Variants in AMMECR1 observed in about 807,000 individuals in gnomAD.
The protein encoded by AMMECR1 is nuclear protein AMMECR1.
Under a neutral mutation model 22.5 loss-of-function variants are expected in AMMECR1, and 3 were observed. The observed-to-expected ratio is 0.13, with a 90% CI of 0.06 to 0.35. The LOEUF (loss-of-function observed/expected upper bound fraction) is 0.35. Among genes scored for constraint, AMMECR1 ranks in the 10% least tolerant of loss-of-function variants. AMMECR1 has a pLI of 1.00. For missense variants in AMMECR1, 235 were observed against 278.7 expected, an observed-to-expected ratio of 0.84 and a Z score of 1.12; for synonymous variants, 130 against 116.7, an observed-to-expected ratio of 1.11 and a Z score of -0.74.
intron 1 of AMMECR1, among the ~76,000 whole-genome samples, chrX:110,297,707 T>C (rs939811091): frequency 8.9e-6 from 1 of 111,890 alleles, no homozygotes; most frequent in Admixed American, 9.5e-5. Context: ...ATTGCTTTTA[T>C]AGGGGAGTAG....
chrX:110,282,772 G>A (rs2067859099), intron 1 of AMMECR1, among the ~76,000 whole-genome samples: 1 of 111,594 alleles, frequency 9.0e-6, no homozygotes. Context: ...AAGTGTTTCA[G>A]GGCTTTAAGA....
At chrX:110,433,975 C>G (rs1009277666) in intron 1 of AMMECR1, among the ~76,000 whole-genome samples, 1 of 111,333 alleles carries the variant, frequency 9.0e-6, no homozygotes, top group African/African-American at 3.3e-5. Context: ...CCGAGGCACA[C>G]ATAAGCCCTC....
At chrX:110,288,329 A>G (rs1193753213) in intron 1 of AMMECR1, among the ~76,000 whole-genome samples, 10 of 111,851 alleles carry the variant, frequency 8.9e-5, no homozygotes, top group Non-Finnish European at 1.3e-4. Flanking sequence ...CCACCCTCAT[A>G]TATCTTTACA....
intron 2 of AMMECR1, among the ~76,000 whole-genome samples, chrX:110,395,197 C>A (rs1401849954): frequency 1.8e-5 from 2 of 112,119 alleles, no homozygotes; most frequent in Non-Finnish European, 3.8e-5. Context: ...TCCGAGGGTG[C>A]CCCCACACCA....
At chrX:110,367,973 A>AATT (rs201193443) in intron 2 of AMMECR1, among the ~76,000 whole-genome samples, 35,765 of 85,069 alleles carry the variant, frequency 0.42, 6,978 homozygotes, top group East Asian at 0.53. Flanking sequence ...AGTGCTGGCT[A>AATT]ATTATTATTA....
chrX:110,361,125 C>G (rs1158884146), intron 2 of AMMECR1, among the ~76,000 whole-genome samples: 3 of 110,863 alleles, frequency 2.7e-5, no homozygotes, highest in African/African-American at 9.9e-5. Context: ...CCAACAAAAC[C>G]TGCTGCACTC....
Position 110,196,403 on chromosome X carries a change from T to C in AMMECR1, c.*2117A>G, listed in dbSNP as rs1414112334. On this transcript the variant is annotated 3_prime_UTR_variant, in exon 6 of 6. Coordinates refer to ENST00000262844, the MANE Select transcript of AMMECR1 (RefSeq NM_015365.3). ...CTTTTTTTTGTTTTTTGTTTTGTTT[T>C]TTTTTTGTTTGTTTTTTTTTGCAGC... is the stretch of plus-strand genomic sequence containing the variant. 1 of 110,476 alleles carries C rather than the reference T, an allele frequency of 9.1e-6. No homozygotes were observed. The highest frequency in any genetic ancestry group is 3.3e-5 in the African/African-American group (1 of 30,420). 9.1% of individuals were successfully genotyped at this position (110,476 alleles called of 1,213,427 possible).
intron 1 of AMMECR1, among the ~76,000 whole-genome samples, chrX:110,291,934 C>T (rs1249495336): frequency 1.8e-5 from 2 of 111,464 alleles, no homozygotes; most frequent in African/African-American, 6.5e-5. Context: ...TAATGCCCAG[C>T]AATAAAGGAC....
At chrX:110,401,673 G>A (rs1052311884) in intron 2 of AMMECR1, among the ~76,000 whole-genome samples, 4 of 111,526 alleles carry the variant, frequency 3.6e-5, no homozygotes, top group African/African-American at 1.3e-4. Flanking sequence ...TTTCTCAGAT[G>A]GCTGAGGGCC....
At chrX:110,411,404 C>T (rs948168879) in intron 2 of AMMECR1, among the ~76,000 whole-genome samples, 6 of 111,747 alleles carry the variant, frequency 5.4e-5, no homozygotes, top group Non-Finnish European at 1.1e-4. Flanking sequence ...CTGTGACAAC[C>T]GGCCTGCCAC....
upstream of AMMECR1, among the ~76,000 whole-genome samples, chrX:110,322,359 G>T (rs1440629269): frequency 9.0e-6 from 1 of 111,623 alleles, no homozygotes; most frequent in Non-Finnish European, 1.9e-5. Flanking sequence ...AAACATGAAG[G>T]TGTCTACTAT....
chrX:110,438,440 C>T (rs766284656), intron 1 of AMMECR1, among the ~76,000 whole-genome samples: 23 of 111,344 alleles, frequency 2.1e-4, no homozygotes, highest in Non-Finnish European at 3.8e-4. Flanking sequence ...CCGTAATCTG[C>T]CCCCACCCCA....
chrX:110,364,707 T>C lies in AMMECR1; in HGVS notation c.-147-46858A>G, dbSNP rs751299762. Among the ~76,000 whole-genome samples, 92 of 111,832 alleles carry C rather than the reference T, an allele frequency of 8.2e-4. 1 individual carries two copies. The Admixed American group carries it at 8.8e-3, about 11-fold the overall frequency. On this transcript the variant is annotated intron_variant, in intron 2 of 7. Coordinates refer to the AMMECR1 transcript ENST00000372057. Reference sequence around the variant, plus strand: ...GGATCCTGAATAGGACCAAGGTCCATTTAGAGTATAAGCATCCCACAGCCT... The same window carrying C: ...GGATCCTGAATAGGACCAAGGTCCACTTAGAGTATAAGCATCCCACAGCCT...
intron 2 of AMMECR1, among the ~76,000 whole-genome samples, chrX:110,411,774 A>T (rs2068643544): frequency 8.9e-6 from 1 of 112,595 alleles, no homozygotes; most frequent in African/African-American, 3.2e-5. Flanking sequence ...TACAGCACTT[A>T]CCATGATTTA....
intron 2 of AMMECR1, among the ~76,000 whole-genome samples, chrX:110,359,122 A>G (rs1243785432): frequency 7.2e-5 from 8 of 111,274 alleles, no homozygotes; most frequent in Admixed American, 1.9e-4. Context: ...GTTCAAGGTC[A>G]CATAGCTGGT....
intron 2 of AMMECR1, among the ~76,000 whole-genome samples, chrX:110,343,981 T>G (rs1459648688): frequency 1.2e-4 from 13 of 111,688 alleles, no homozygotes; most frequent in African/African-American, 3.6e-4. Context: ...TTCACAGAAT[T>G]GGAAAAAACT....
intron 2 of AMMECR1, among the ~76,000 whole-genome samples, chrX:110,244,899 TC>T (rs2067650932): frequency 8.9e-6 from 1 of 112,395 alleles, no homozygotes; most frequent in Non-Finnish European, 1.9e-5. Context: ...TAGTGACTAT[TC>T]TAAGTTTGAA....
intron 3 of AMMECR1, among the ~76,000 whole-genome samples, chrX:110,216,176 C>T (rs902162479): frequency 9.9e-5 from 11 of 111,478 alleles, no homozygotes; most frequent in African/African-American, 3.3e-5. Context: ...TACTTAGTGG[C>T]GGTTATACCA....
At chrX:110,238,340 G>A (rs1284048630) in intron 2 of AMMECR1, among the ~76,000 whole-genome samples, 2 of 112,366 alleles carry the variant, frequency 1.8e-5, no homozygotes, top group Non-Finnish European at 3.8e-5. Flanking sequence ...AGATCTCTAA[G>A]TATAAATCTT....
Sources: gnomAD v4.1 joint callset for allele counts (sites outside exome capture counted in the v4.1 genomes callset) on GRCh38, gnomAD v4.1.1 for gene constraint, MANE v1.5 for transcripts, NCBI Gene and HGNC (gene_info 2026-07-23, HGNC 2026-07-21) for gene names.